Variants in ZNF385D observed in about 807,000 individuals in gnomAD.
The protein encoded by ZNF385D is zinc finger protein 659.
Under a neutral mutation model 35.8 loss-of-function variants are expected in ZNF385D, and 15 were observed. The ratio of observed to expected loss-of-function variants is 0.42; its 90% CI spans 0.28 to 0.64. ZNF385D has a LOEUF of 0.64. ZNF385D is among the 30% of genes least tolerant of loss of function. The pLI is 0.23. For synonymous variants in ZNF385D, 212 were observed against 186.8 expected (o/e 1.13, Z -1.10); for missense variants, 474 against 494.6 (o/e 0.96, Z 0.39).
Position 21,766,055 on chromosome 3 carries a change from T to C in ZNF385D, c.326-101027A>G, listed in dbSNP as rs140918986. On this transcript the variant is annotated intron_variant, in intron 3 of 5. Transcript: ENST00000494108. ...AGCAGCATTGTGAAGAAAGGAAAGA[T>C]AGTGGCCGAAAGGAAAAAAGGAAAG... 1.2e-3 allele frequency among the ~76,000 whole-genome samples: 177 copies of C among 152,072 alleles called. 1 individual carries two copies. Among genetic ancestry groups the C allele is most frequent in the Non-Finnish European group, 1.9e-3 (126 of 67,942 alleles).
chr3:21,921,631 A>G (rs917024380), intron 3 of ZNF385D, among the ~76,000 whole-genome samples: 6 of 152,250 alleles, frequency 3.9e-5, no homozygotes, highest in African/African-American at 1.4e-4. Flanking sequence ...AAACACCTAA[A>G]AAAAGAGACA....
At chr3:21,847,632 C>T (rs567185147) in intron 3 of ZNF385D, among the ~76,000 whole-genome samples, 3 of 152,002 alleles carry the variant, frequency 2.0e-5, no homozygotes, top group South Asian at 4.2e-4. Flanking sequence ...TGTCTGTGTG[C>T]CAATGTTATT....
intron 2 of ZNF385D, among the ~76,000 whole-genome samples, chr3:22,307,207 G>C (rs913185448): frequency 6.6e-6 from 1 of 152,116 alleles, no homozygotes; most frequent in Non-Finnish European, 1.5e-5. Context: ...GGTGGGGTGG[G>C]GAGGTGGGAA....
intron 1 of ZNF385D, among the ~76,000 whole-genome samples, chr3:21,722,787 A>T (rs1022847457): frequency 2.0e-5 from 3 of 152,190 alleles, no homozygotes; most frequent in Non-Finnish European, 4.4e-5. Context: ...AGGTCCTAGA[A>T]CTTGCAAGTG....
At chr3:21,944,856 G>T (rs191431089) in intron 3 of ZNF385D, among the ~76,000 whole-genome samples, 1 of 152,066 alleles carries the variant, frequency 6.6e-6, no homozygotes, top group East Asian at 1.9e-4. Context: ...TAGAAATGTA[G>T]ATATATATGT....
rs149625113 is a variant in ZNF385D, at chr3:21,432,837, T to C, written c.673+4133A>G. Among the ~76,000 whole-genome samples the C allele has an allele frequency of 2.0e-5, 3 of 152,010 alleles. No homozygotes were observed. The East Asian group carries it at 5.8e-4, about 29-fold the overall frequency. On this transcript the variant is annotated intron_variant, in intron 5 of 7. Transcript: ENST00000281523. Reference sequence around the variant, plus strand: ...GGAATGCCTCTGTTCAAATCCTGTATTCTAATCTTATGGAATATATATCAA... The same window carrying C: ...GGAATGCCTCTGTTCAAATCCTGTACTCTAATCTTATGGAATATATATCAA...
chr3:22,348,485 T>TAAAAAAAAAAAAAAAAAAAAA (rs1168729541), intron 2 of ZNF385D, among the ~76,000 whole-genome samples: 47 of 84,860 alleles, frequency 5.5e-4, no homozygotes, highest in African/African-American at 8.0e-4. Context: ...CCATCTCTAC[T>TAAAAAAAAAAAAAAAAAAAAA]AAAAAAAAAA....
At chr3:21,454,143 T>C (rs1186725662) in intron 4 of ZNF385D, among the ~76,000 whole-genome samples, 1 of 151,982 alleles carries the variant, frequency 6.6e-6, no homozygotes, top group Non-Finnish European at 1.5e-5. Context: ...ACATCCAGAA[T>C]AAGAACATTC....
intron 4 of ZNF385D, among the ~76,000 whole-genome samples, chr3:21,461,726 T>A (rs1703190951): frequency 6.6e-6 from 1 of 152,220 alleles, no homozygotes; most frequent in Non-Finnish European, 1.5e-5. Flanking sequence ...TAATTAGGTC[T>A]CTAGCCATTT....
intron 2 of ZNF385D, among the ~76,000 whole-genome samples, chr3:22,208,238 A>C (rs979510452): frequency 6.6e-6 from 1 of 151,954 alleles, no homozygotes. Context: ...ACATATACAC[A>C]ATGGAGAGCT....
intron 3 of ZNF385D, among the ~76,000 whole-genome samples, chr3:21,992,712 C>G (rs151201221): frequency 3.3e-4 from 51 of 152,280 alleles, no homozygotes; most frequent in African/African-American, 1.1e-3. Flanking sequence ...ATTTTCTTCA[C>G]AAACATGTTT....
chr3:22,044,614 T>C (rs781034884), intron 3 of ZNF385D, among the ~76,000 whole-genome samples: 11 of 152,034 alleles, frequency 7.2e-5, no homozygotes, highest in Non-Finnish European at 1.3e-4. Flanking sequence ...GTGATGAATT[T>C]TGGAGTAAAG....
At chr3:22,117,188 T>C (rs149754481) in intron 3 of ZNF385D, among the ~76,000 whole-genome samples, 1 of 152,144 alleles carries the variant, frequency 6.6e-6, no homozygotes, top group African/African-American at 2.4e-5. Flanking sequence ...ATGGAGCTTA[T>C]GTAAATATTT....
chr3:21,841,800 A>G (rs146815160), intron 3 of ZNF385D, among the ~76,000 whole-genome samples: 2 of 151,964 alleles, frequency 1.3e-5, no homozygotes, highest in East Asian at 1.9e-4. Flanking sequence ...GTATTTTGTT[A>G]TAACATTTTT....
intron 3 of ZNF385D, among the ~76,000 whole-genome samples, chr3:22,026,692 T>A (rs2125466989): frequency 6.6e-6 from 1 of 152,248 alleles, no homozygotes; most frequent in African/African-American, 2.4e-5. Context: ...GAGTGAGGGT[T>A]ATTATGGTGG....
intron 2 of ZNF385D, among the ~76,000 whole-genome samples, chr3:22,245,746 G>C (rs1336383077): frequency 2.0e-5 from 3 of 150,174 alleles, no homozygotes; most frequent in Non-Finnish European, 4.4e-5. Context: ...CCTTTTTTTG[G>C]GGGGTGGTGG....
chr3:22,098,343 A>C (rs1701744198), intron 3 of ZNF385D, among the ~76,000 whole-genome samples: 1 of 152,112 alleles, frequency 6.6e-6, no homozygotes, highest in African/African-American at 2.4e-5. Context: ...CAAGAACTTT[A>C]AGTGTATGAG....
intron 3 of ZNF385D, among the ~76,000 whole-genome samples, chr3:21,798,057 T>C (rs1350022785): frequency 1.3e-5 from 2 of 152,166 alleles, no homozygotes; most frequent in African/African-American, 4.8e-5. Flanking sequence ...TCAATGCAAG[T>C]TCATGGATTG....
In ZNF385D at chr3:22,127,366, G is replaced by C. The variant is rs544711138; in HGVS notation, c.325+41451C>G. ...TTTTTTTTTTTTTTTTTGAGACAGA[G>C]TCTCACTCTGTCACCCAGGCTGGAA... On this transcript the variant is annotated intron_variant, in intron 3 of 5. Coordinates refer to the ZNF385D transcript ENST00000494108. Among the ~76,000 whole-genome samples the C allele has an allele frequency of 5.4e-3, 527 of 97,726 alleles. 8 individuals carry two copies. Among genetic ancestry groups the C allele is most frequent in the African/African-American group, 0.021 (501 of 23,786 alleles). 64.1% of individuals were successfully genotyped at this position (97,726 alleles called of 152,430 possible). A position where few individuals can be genotyped will look rare whatever the true frequency, so the allele number is the denominator to read the frequency against.
Sources: gnomAD v4.1 joint callset for allele counts (sites outside exome capture counted in the v4.1 genomes callset) on GRCh38, gnomAD v4.1.1 for gene constraint, MANE v1.5 for transcripts, NCBI Gene and HGNC (gene_info 2026-07-23, HGNC 2026-07-21) for gene names.